Variants in APOBEC3D observed in about 807,000 individuals in gnomAD.
APOBEC3D encodes the protein apolipoprotein B mRNA editing enzyme catalytic subunit 3D, also known as DNA dC->dU-editing enzyme APOBEC-3D.
A neutral mutation model predicts 45.6 loss-of-function variants in APOBEC3D; 37 were observed. The observed-to-expected ratio is 0.81, with a 90% CI of 0.62 to 1.07. The LOEUF (loss-of-function observed/expected upper bound fraction) is 1.07. Among genes scored for constraint, APOBEC3D ranks in the 50% least tolerant of loss-of-function variants. The pLI is 0.00. For missense variants in APOBEC3D, 496 were observed against 495.3 expected (o/e 1.00, Z -0.01); for synonymous variants, 175 against 180.7 (o/e 0.97, Z 0.25).
chr22:39,025,748 G>A (rs1337923453), intron 4 of APOBEC3D, 77 bp downstream of exon 4: 17 of 1,600,086 alleles, frequency 1.1e-5, no homozygotes, highest in Admixed American at 1.7e-5. Flanking sequence ...CCCTGGCTGG[G>A]CCCTCCTGCC....
chr22:39,031,210 T>G (rs1354686010), intron 5 of APOBEC3D, among the ~76,000 whole-genome samples: 1 of 151,778 alleles, frequency 6.6e-6, no homozygotes, highest in Non-Finnish European at 1.5e-5. Flanking sequence ...AAGGATGGAA[T>G]AAGGGAAACT....
At chr22:39,025,783 C>A (rs1925595244) in intron 4 of APOBEC3D, 112 bp downstream of exon 4, 1 of 1,574,562 alleles carries the variant, frequency 6.4e-7, no homozygotes. Flanking sequence ...CCTGCCTGCC[C>A]TCATGGTTAC....
In APOBEC3D at chr22:39,021,383, G is replaced by T. The variant is rs1603274581; in HGVS notation, c.-137G>T. ...GGCCTCCCAAAGTGCTGGGATTACAGGCGTGAGCCACCGTGCCCGGCCGGG... is the reference window on the plus strand; with the variant it reads ...GGCCTCCCAAAGTGCTGGGATTACATGCGTGAGCCACCGTGCCCGGCCGGG... On this transcript the variant is annotated 5_prime_UTR_variant, in exon 1 of 7. It adds an upstream start codon to the 5' untranslated region. Transcript: ENST00000216099. 1 of 1,240,094 alleles carries T rather than the reference G, an allele frequency of 8.1e-7. No homozygotes were observed. Among genetic ancestry groups the T allele is most frequent in the Non-Finnish European group, 1.2e-6 (1 of 862,182 alleles). 76.8% of individuals were successfully genotyped at this position (1,240,094 alleles called of 1,614,324 possible).
rs1926400439 is a variant in APOBEC3D at position 39,033,161 on chromosome 22, A to G, written c.*845A>G. 3.1e-6 allele frequency: 2 copies of G among 653,888 alleles called. No homozygotes were observed. Among genetic ancestry groups the G allele is most frequent in the Non-Finnish European group, 3.8e-6 (2 of 527,330 alleles). The allele number at this position is 653,888 out of a possible 1,614,324, so 40.5% of individuals were successfully genotyped here. A position where few individuals can be genotyped will look rare whatever the true frequency, so the allele number is the denominator to read the frequency against. On this transcript the variant is annotated 3_prime_UTR_variant, in exon 7 of 7. Coordinates refer to ENST00000216099, the MANE Select transcript of APOBEC3D (RefSeq NM_152426.4). Reference sequence around the variant, plus strand: ...GAGCCGGGGAGGTGGAGGCTGGAGTAAACTGAGATCGCGCCACAGAACTCC... The same window carrying G: ...GAGCCGGGGAGGTGGAGGCTGGAGTGAACTGAGATCGCGCCACAGAACTCC...
In APOBEC3D at chr22:39,032,764, T is replaced by A. The variant is rs78229452; in HGVS notation, c.*448T>A. ...CCTGCCACCACGCCCAGCTAATTTTTTTTTTTTTTTTTTTTTTTTTTTGTA... is the reference window on the plus strand; with the variant it reads ...CCTGCCACCACGCCCAGCTAATTTTATTTTTTTTTTTTTTTTTTTTTTGTA... On this transcript the variant is annotated 3_prime_UTR_variant, in exon 7 of 7. Coordinates refer to ENST00000216099, the MANE Select transcript of APOBEC3D (RefSeq NM_152426.4). 8.5e-4 allele frequency: 65 copies of A among 76,134 alleles called. 1 individual carries two copies. Among genetic ancestry groups the A allele is most frequent in the African/African-American group, 4.1e-3 (62 of 15,006 alleles). The allele number at this position is 76,134 out of a possible 1,614,324, so 4.7% of individuals were successfully genotyped here. A position where few individuals can be genotyped will look rare whatever the true frequency, so the allele number is the denominator to read the frequency against.
intron 4 of APOBEC3D, among the ~76,000 whole-genome samples, chr22:39,027,599 G>A (rs1925802094): frequency 6.6e-6 from 1 of 152,006 alleles, no homozygotes. Flanking sequence ...CTAAAATCAG[G>A]GCCAGGACAA....
intron 5 of APOBEC3D, among the ~76,000 whole-genome samples, chr22:39,030,883 C>T (rs1260633898): frequency 6.6e-6 from 1 of 152,200 alleles, no homozygotes; most frequent in East Asian, 1.9e-4. Context: ...CGCGGTGGCT[C>T]ACGCCTGTAC....
intron 2 of APOBEC3D, among the ~76,000 whole-genome samples, chr22:39,023,417 C>T (rs1925319595): frequency 6.7e-6 from 1 of 149,892 alleles, no homozygotes; most frequent in Non-Finnish European, 1.5e-5. Flanking sequence ...TGCCTGGCCA[C>T]TTCCTATATT....
intron 5 of APOBEC3D, among the ~76,000 whole-genome samples, chr22:39,031,178 T>A: frequency 6.6e-6 from 1 of 150,944 alleles, no homozygotes; most frequent in Non-Finnish European, 1.5e-5. Context: ...AAAAAAATAA[T>A]AAAAAAATAA....
rs536394855 is a variant in APOBEC3D, at chr22:39,026,692, T to C, written c.605+1021T>C. Among the ~76,000 whole-genome samples, 5 of 152,056 alleles carry C rather than the reference T, an allele frequency of 3.3e-5. No individual in the cohort carries two copies. In the South Asian group the frequency reaches 6.2e-4, roughly 19 times the overall value. ...CCTTCTCAAATCCCTCCCACAGGGA[T>C]GGAGATGCAGAAAGAGTCAAGCAAA... On this transcript the variant is annotated intron_variant, in intron 4 of 6. Coordinates refer to ENST00000216099, the MANE Select transcript of APOBEC3D (RefSeq NM_152426.4).
intron 2 of APOBEC3D, among the ~76,000 whole-genome samples, chr22:39,023,478 A>T (rs5757425): frequency 5.6e-5 from 8 of 142,590 alleles, no homozygotes; most frequent in South Asian, 4.4e-4. Context: ...ACAGAGTTTT[A>T]CTCTTGTTGC....
At chr22:39,028,261 C>A (rs1024335956) in intron 4 of APOBEC3D, among the ~76,000 whole-genome samples, 9 of 152,208 alleles carry the variant, frequency 5.9e-5, no homozygotes, top group Non-Finnish European at 1.3e-4. Context: ...AGGAGAAATG[C>A]TCTTATTTTA....
At position 39,024,517 on chromosome 22, in the gene APOBEC3D, C is replaced by T. The variant is rs569869685; in HGVS notation, c.211-553C>T. ...TGATGCTTCAACAGCAGGACTGAGA[C>T]GGGGACATTTACAGTGAACAGAAAT... On this transcript the variant is annotated intron_variant, in intron 2 of 6. Coordinates refer to ENST00000216099, the MANE Select transcript of APOBEC3D (RefSeq NM_152426.4). Among the ~76,000 whole-genome samples the T allele has an allele frequency of 1.6e-4, 25 of 152,272 alleles. No homozygotes were observed. In the South Asian group the frequency reaches 4.1e-3, roughly 25 times the overall value.
In APOBEC3D at chr22:39,029,371, T is replaced by C. The variant is rs1372227718; in HGVS notation, c.614T>C (p.Met205Thr). 3.5e-5 allele frequency: 57 copies of C among 1,614,042 alleles called. No individual in the cohort carries two copies. The highest frequency in any genetic ancestry group is 4.6e-5 in the Non-Finnish European group (54 of 1,180,014). The change falls in exon 5 of 7, where the codon ATG (methionine) becomes ACG (threonine). Residue 205 changes from methionine to threonine, a missense_variant. By Grantham distance (81) the Met-to-Thr change is moderately conservative (BLOSUM62 -1). Coordinates refer to ENST00000216099, the MANE Select transcript of APOBEC3D (RefSeq NM_152426.4). ...CTCTCTTGTGCCCTCAGAAACCCGA[T>C]GGAGGCAATGTACCCACACATATTC... ...RTLKEILRNP[M>T]EAMYPHIFYF... is the part of the protein sequence containing the mutation.
At chr22:39,022,395 C>A (rs116094242) in intron 1 of APOBEC3D, among the ~76,000 whole-genome samples, 2 of 152,204 alleles carry the variant, frequency 1.3e-5, no homozygotes, top group African/African-American at 4.8e-5. Context: ...GAAGAGAGGC[C>A]TGGGCCTCAG....
In APOBEC3D at chr22:39,030,864, G is replaced by A. The variant is rs192562055; in HGVS notation, c.763-830G>A. Among the ~76,000 whole-genome samples, 4 of 152,324 alleles carry A rather than the reference G, an allele frequency of 2.6e-5. No homozygotes were observed. The East Asian group carries it at 5.8e-4, about 22-fold the overall frequency. On this transcript the variant is annotated intron_variant, in intron 5 of 6. Transcript: ENST00000216099. ...AAGACTCAATAAAATAAAGAAGGAA[G>A]GGGCCAAGCGCGGTGGCTCACGCCT...
intron 4 of APOBEC3D, among the ~76,000 whole-genome samples, chr22:39,028,378 C>T (rs1016719958): frequency 2.0e-5 from 3 of 152,262 alleles, no homozygotes; most frequent in African/African-American, 7.2e-5. Context: ...CTCCATCCAC[C>T]GCCCCAGCTC....
intron 4 of APOBEC3D, 128 bp downstream of exon 4, chr22:39,025,799 C>G: frequency 1.3e-6 from 2 of 1,540,470 alleles, no homozygotes; most frequent in Non-Finnish European, 1.8e-6. Flanking sequence ...GTTACACCCC[C>G]TCACCCACAC....
At chr22:39,023,128 T>G in intron 2 of APOBEC3D, 114 bp downstream of exon 2, 2 of 948,162 alleles carry the variant, frequency 2.1e-6, no homozygotes, top group Non-Finnish European at 2.7e-6. Context: ...TTTATTTATT[T>G]ATTTTGAGAC....
Sources: allele counts gnomAD v4.1 joint callset (sites outside exome capture counted in the v4.1 genomes callset), GRCh38; gene constraint gnomAD v4.1.1; transcripts MANE v1.5; gene names NCBI Gene and HGNC (gene_info 2026-07-23, HGNC 2026-07-21).